DCT: variants seen among roughly 807,000 people sequenced by gnomAD.
The protein encoded by DCT is L-dopachrome tautomerase.
Under a neutral mutation model 53.0 loss-of-function variants are expected in DCT, and 47 were observed. The ratio of observed to expected loss-of-function variants is 0.89; its 90% CI spans 0.70 to 1.13. The LOEUF (loss-of-function observed/expected upper bound fraction) is 1.13, where lower values mean the gene tolerates loss of function less well. Among genes scored for constraint, DCT ranks in the 50% most tolerant of loss-of-function variants. The probability of loss-of-function intolerance (pLI) is 0.00; values close to 1 mark genes in which losing one functional copy is unlikely to be tolerated. For synonymous variants in DCT, 244 were observed against 237.0 expected, an observed-to-expected ratio of 1.03 and a Z score of -0.27; for missense variants, 669 against 637.4, an observed-to-expected ratio of 1.05 and a Z score of -0.53.
At chr13:94,450,182 G>T (rs76631301) in intron 6 of DCT, among the ~76,000 whole-genome samples, 1 of 152,238 alleles carries the variant, frequency 6.6e-6, no homozygotes, top group East Asian at 1.9e-4. Context: ...CTCACCACAC[G>T]CTGAATCTGC....
intron 1 of DCT, among the ~76,000 whole-genome samples, chr13:94,478,681 C>G (rs895130921): frequency 2.6e-5 from 4 of 152,232 alleles, no homozygotes; most frequent in African/African-American, 9.6e-5. Context: ...CTCTTAAATT[C>G]CCCTTCCAAC....
chr13:94,541,997 C>A, the DCT span, among the ~76,000 whole-genome samples: 4 of 152,110 alleles, frequency 2.6e-5, no homozygotes, highest in Admixed American at 2.0e-4. Flanking sequence ...TACCTCAATA[C>A]CCATTTTCTA....
At chr13:94,485,676 T>C in the DCT span, among the ~76,000 whole-genome samples, 1 of 152,264 alleles carries the variant, frequency 6.6e-6, no homozygotes, top group African/African-American at 2.4e-5. Context: ...AACACCCAGT[T>C]TGAAGTCCCA....
At chr13:94,454,282 G>A (rs1883275144) in intron 6 of DCT, among the ~76,000 whole-genome samples, 1 of 152,112 alleles carries the variant, frequency 6.6e-6, no homozygotes, top group East Asian at 1.9e-4. Context: ...TTGAAGGAAC[G>A]TAGAACTCAC....
chr13:94,532,666 T>G, the DCT span, among the ~76,000 whole-genome samples: 1 of 152,078 alleles, frequency 6.6e-6, no homozygotes, highest in Non-Finnish European at 1.5e-5. Context: ...GGGATAGCAT[T>G]AGGAGAAACA....
the DCT span, among the ~76,000 whole-genome samples, chr13:94,485,269 T>C: frequency 6.6e-6 from 1 of 152,198 alleles, no homozygotes; most frequent in Non-Finnish European, 1.5e-5. Flanking sequence ...TTCATGACCC[T>C]GCCCTTGAGA....
At chr13:94,471,973 G>A (rs974133511) in intron 1 of DCT, among the ~76,000 whole-genome samples, 5 of 152,108 alleles carry the variant, frequency 3.3e-5, no homozygotes, top group African/African-American at 1.2e-4. Flanking sequence ...CAATTTCAAT[G>A]TGAATCCAAA....
chr13:94,537,802 G>A, the DCT span, among the ~76,000 whole-genome samples: 1 of 152,158 alleles, frequency 6.6e-6, no homozygotes, highest in Admixed American at 6.6e-5. Flanking sequence ...GACATAAGAT[G>A]TGGAAAAGGA....
At chr13:94,525,499 A>T in the DCT span, among the ~76,000 whole-genome samples, 3 of 152,154 alleles carry the variant, frequency 2.0e-5, no homozygotes, top group Non-Finnish European at 4.4e-5. Context: ...TGGTGTAGGA[A>T]TTACTTGCCA....
At chr13:94,456,744 TG>T (rs1472884254) in intron 6 of DCT, among the ~76,000 whole-genome samples, 1 of 152,248 alleles carries the variant, frequency 6.6e-6, no homozygotes, top group Non-Finnish European at 1.5e-5. Context: ...AAGCTCCATG[TG>T]GTTCAATTAC....
At chr13:94,462,584 T>C (rs374193866) in intron 4 of DCT, among the ~76,000 whole-genome samples, 4 of 152,084 alleles carry the variant, frequency 2.6e-5, no homozygotes, top group African/African-American at 9.7e-5. Context: ...AGCAAATCAA[T>C]CAGGGTCACA....
At chr13:94,536,797 G>A in the DCT span, among the ~76,000 whole-genome samples, 4 of 152,090 alleles carry the variant, frequency 2.6e-5, no homozygotes, top group African/African-American at 9.7e-5. Flanking sequence ...ACAAAAATTA[G>A]CGGAGGTGTA....
In DCT at chr13:94,439,485, A is replaced by G. The variant is rs17791924; in HGVS notation, c.*413T>C. The G allele has an allele frequency of 0.35, 53,925 of 154,180 alleles. 10,168 individuals carry two copies. The highest frequency in any genetic ancestry group is 0.43 in the Non-Finnish European group (29,852 of 69,614). 9.6% of individuals were successfully genotyped at this position (154,180 alleles called of 1,614,324 possible). On this transcript the variant is annotated 3_prime_UTR_variant, in exon 8 of 8. Coordinates refer to ENST00000377028, the MANE Select transcript of DCT (RefSeq NM_001922.5). ...ATTACCAATAAAGACACTGGGGCTA[A>G]GAAAGATTGATGTATGGTCTTGGCC...
At chr13:94,444,847 T>C (rs142124459) in intron 6 of DCT, among the ~76,000 whole-genome samples, 287 of 152,386 alleles carry the variant, frequency 1.9e-3, no homozygotes, top group African/African-American at 6.4e-3. Context: ...TTGTTATTTA[T>C]GTATCTATGT....
chr13:94,483,373 T>C (rs575565696), upstream of DCT, among the ~76,000 whole-genome samples: 85 of 151,932 alleles, frequency 5.6e-4, no homozygotes, highest in African/African-American at 1.8e-3. Context: ...AATTCTTTCA[T>C]CAAAAGCCTT....
the DCT span, among the ~76,000 whole-genome samples, chr13:94,489,101 G>T: frequency 1.3e-5 from 2 of 152,018 alleles, no homozygotes; most frequent in Non-Finnish European, 2.9e-5. Flanking sequence ...AATGGGGTGA[G>T]GAACAGGAGC....
chr13:94,445,470 A>C (rs1287893682), intron 6 of DCT, among the ~76,000 whole-genome samples: 1 of 152,172 alleles, frequency 6.6e-6, no homozygotes, highest in Non-Finnish European at 1.5e-5. Context: ...CAGGAAGAAA[A>C]ACAGATAGCG....
chr13:94,464,707 T>G (rs374163166), intron 4 of DCT, among the ~76,000 whole-genome samples: 24 of 151,528 alleles, frequency 1.6e-4, no homozygotes, highest in African/African-American at 5.3e-4. Flanking sequence ...TAAAGGAAGG[T>G]GAGGTGAGGA....
the DCT span, among the ~76,000 whole-genome samples, chr13:94,491,255 T>C: frequency 6.6e-6 from 1 of 152,184 alleles, no homozygotes; most frequent in African/African-American, 2.4e-5. Flanking sequence ...TTTGAAGTGA[T>C]AGGGGCGGAT....
Sources: allele counts gnomAD v4.1 joint callset (sites outside exome capture counted in the v4.1 genomes callset), GRCh38; gene constraint gnomAD v4.1.1; transcripts MANE v1.5; gene names NCBI Gene and HGNC (gene_info 2026-07-23, HGNC 2026-07-21).